Variants in CCDC171 observed in about 807,000 individuals in gnomAD.
CCDC171 encodes the protein coiled-coil domain containing 171.
Under a neutral mutation model 168.2 loss-of-function variants are expected in CCDC171, and 177 were observed. The observed-to-expected ratio is 1.05, with a 90% CI of 0.93 to 1.19. The LOEUF (loss-of-function observed/expected upper bound fraction) is 1.19, where lower values mean the gene tolerates loss of function less well. Among genes scored for constraint, CCDC171 ranks in the 50% most tolerant of loss-of-function variants. The pLI, the probability that CCDC171 is intolerant of heterozygous loss-of-function variation, is 0.00. For missense variants in CCDC171, 1,991 were observed against 1,539.0 expected, an observed-to-expected ratio of 1.29 and a Z score of -4.91; for synonymous variants, 687 against 540.8, an observed-to-expected ratio of 1.27 and a Z score of -3.75.
At chr9:16,065,784 C>T (rs1248551737), downstream of CCDC171, among the ~76,000 whole-genome samples, 2 of 149,018 alleles carry the variant, frequency 1.3e-5, no homozygotes, top group Non-Finnish European at 3.0e-5. Flanking sequence ...GTGAAATCAG[C>T]ACCCACCTAT....
At chr9:15,734,883 G>T (rs1018439198) in intron 16 of CCDC171, among the ~76,000 whole-genome samples, 3 of 152,144 alleles carry the variant, frequency 2.0e-5, no homozygotes, top group Non-Finnish European at 2.9e-5. Flanking sequence ...AGGATGTTTG[G>T]TGTCAGATGA....
chr9:15,689,674 G>A (rs1014323418), intron 10 of CCDC171, among the ~76,000 whole-genome samples: 5 of 152,186 alleles, frequency 3.3e-5, no homozygotes, highest in African/African-American at 9.7e-5. Flanking sequence ...TCACACTACT[G>A]CACTCTAGCC....
At position 15,864,558 on chromosome 9, in the gene CCDC171, G is replaced by A. The variant is rs189693666; in HGVS notation, c.3469-9974G>A. On this transcript the variant is annotated intron_variant, in intron 23 of 25. Coordinates refer to ENST00000380701, the MANE Select transcript of CCDC171 (RefSeq NM_173550.4). Reference sequence around the variant, plus strand: ...TTCCCACCTATGAGTGAGAACATGCGGTGTTTGGTTTTTTGTCCTTGCGAT... The same window carrying A: ...TTCCCACCTATGAGTGAGAACATGCAGTGTTTGGTTTTTTGTCCTTGCGAT... 4.6e-5 allele frequency among the ~76,000 whole-genome samples: 7 copies of A among 152,094 alleles called. No homozygotes were observed. The South Asian group carries it at 1.2e-3, about 27-fold the overall frequency.
At chr9:15,682,242 TG>T (rs919820383) in intron 10 of CCDC171, among the ~76,000 whole-genome samples, 78 of 152,202 alleles carry the variant, frequency 5.1e-4, no homozygotes, top group African/African-American at 1.7e-3. Flanking sequence ...TGCTGTATCC[TG>T]GGCTAGATAC....
chr9:16,022,976 A>T (rs902496595), intron 6 of CCDC171: 1 of 152,166 alleles, frequency 6.6e-6, no homozygotes, highest in Non-Finnish European at 1.5e-5. Context: ...ATCATCATCT[A>T]AATAGTTCAC....
At chr9:15,897,195 C>G (rs982607663) in intron 24 of CCDC171, among the ~76,000 whole-genome samples, 1 of 152,028 alleles carries the variant, frequency 6.6e-6, no homozygotes. Context: ...CTGATGCTAA[C>G]AGGTCCTTTT....
intron 24 of CCDC171, among the ~76,000 whole-genome samples, chr9:15,902,990 G>C (rs991063433): frequency 9.8e-5 from 15 of 152,334 alleles, no homozygotes; most frequent in African/African-American, 3.1e-4. Flanking sequence ...GGGGAGGGGC[G>C]CTCGCCATTG....
At chr9:15,906,451 G>C (rs538086147) in intron 24 of CCDC171, among the ~76,000 whole-genome samples, 1 of 152,258 alleles carries the variant, frequency 6.6e-6, no homozygotes, top group East Asian at 1.9e-4. Flanking sequence ...ATGCAGAAAA[G>C]GCCTTTGACA....
chr9:15,814,593 A>T (rs554856196), intron 21 of CCDC171, among the ~76,000 whole-genome samples: 1 of 150,772 alleles, frequency 6.6e-6, no homozygotes, highest in Admixed American at 6.6e-5. Flanking sequence ...AATTGTAGCT[A>T]AAGTTTTTCT....
At chr9:16,091,890 TGTGA>T in the CCDC171 span, among the ~76,000 whole-genome samples, 3 of 152,202 alleles carry the variant, frequency 2.0e-5, no homozygotes, top group Non-Finnish European at 4.4e-5. Flanking sequence ...AAAATTACGA[TGTGA>T]GTGAGTCATC....
intron 25 of CCDC171, among the ~76,000 whole-genome samples, chr9:15,929,871 G>A (rs1455138686): frequency 6.6e-6 from 1 of 151,642 alleles, no homozygotes; most frequent in Non-Finnish European, 1.5e-5. Context: ...CCATAATAAA[G>A]TATGAGTTTT....
At chr9:15,786,894 A>G (rs2057990904) in intron 21 of CCDC171, among the ~76,000 whole-genome samples, 1 of 152,084 alleles carries the variant, frequency 6.6e-6, no homozygotes, top group Non-Finnish European at 1.5e-5. Flanking sequence ...CTTCAACTGT[A>G]GCTTTCCACT....
chr9:16,042,595 C>T (rs1345374627), upstream of CCDC171, among the ~76,000 whole-genome samples: 8 of 151,990 alleles, frequency 5.3e-5, no homozygotes, highest in Non-Finnish European at 1.2e-4. Context: ...AAGCATCTAG[C>T]TCAGTCTCTG....
intron 13 of CCDC171, among the ~76,000 whole-genome samples, chr9:15,724,191 A>G (rs1006104006): frequency 5.3e-5 from 8 of 152,138 alleles, no homozygotes; most frequent in Non-Finnish European, 1.2e-4. Context: ...AGTTTATTTT[A>G]GTTTCTGTGC....
chr9:15,808,895 A>G (rs1310733707), intron 21 of CCDC171, among the ~76,000 whole-genome samples: 1 of 152,184 alleles, frequency 6.6e-6, no homozygotes, highest in East Asian at 1.9e-4. Flanking sequence ...GAAGTCTAAC[A>G]TCAAGGCACT....
intron 21 of CCDC171, among the ~76,000 whole-genome samples, chr9:15,793,049 A>T (rs1231984356): frequency 6.6e-6 from 1 of 152,176 alleles, no homozygotes; most frequent in Admixed American, 6.5e-5. Flanking sequence ...AAGAGTGAAG[A>T]CCCATCAGTG....
chr9:15,728,278 C>G (rs551191952), intron 15 of CCDC171, among the ~76,000 whole-genome samples: 1 of 152,000 alleles, frequency 6.6e-6, no homozygotes, highest in Non-Finnish European at 1.5e-5. Flanking sequence ...CATGCTAATA[C>G]TACTAGCCAG....
chr9:15,846,739 A>G lies in CCDC171; in HGVS notation c.3305A>G (p.Asp1102Gly), dbSNP rs369463663. 4 of 1,613,110 alleles carry G rather than the reference A, an allele frequency of 2.5e-6. No individual in the cohort carries two copies. Among genetic ancestry groups the G allele is most frequent in the East Asian group, 2.2e-5 (1 of 44,840 alleles). ...SEAKMELRRK[D>G]QSLRQLNRHL... is the part of the protein sequence containing the mutation. ...GCAAAGATGGAGCTGAGAAGAAAAG[A>G]TCAATCTCTGCGTCAGCTCAATAGA... Residue 1102 changes from aspartate (D) to glycine (G), a missense_variant, in exon 22 of 26, where the codon GAT (aspartate) becomes GGT (glycine). Physicochemically the swap from Asp to Gly is moderately conservative, Grantham distance 94. Coordinates refer to ENST00000380701, the MANE Select transcript of CCDC171 (RefSeq NM_173550.4).
chr9:15,759,894 C>T (rs1027773361), intron 18 of CCDC171, among the ~76,000 whole-genome samples: 4 of 152,016 alleles, frequency 2.6e-5, no homozygotes, highest in African/African-American at 7.2e-5. Context: ...AGGATATTTT[C>T]ATCATAGGAC....
Sources: allele counts gnomAD v4.1 joint callset (sites outside exome capture counted in the v4.1 genomes callset), GRCh38; gene constraint gnomAD v4.1.1; transcripts MANE v1.5; gene names NCBI Gene and HGNC (gene_info 2026-07-23, HGNC 2026-07-21).